SORBS2: variants seen among roughly 807,000 people sequenced by gnomAD.
SORBS2 encodes the protein sorbin and SH3 domain-containing protein 2.
Under a neutral mutation model 97.7 loss-of-function variants are expected in SORBS2, and 46 were observed. The observed-to-expected ratio is 0.47, with a 90% CI of 0.37 to 0.60. The LOEUF is 0.60. SORBS2 is among the 20% of genes least tolerant of loss of function. The probability of loss-of-function intolerance (pLI) is 0.00; values close to 1 mark genes in which losing one functional copy is unlikely to be tolerated. For synonymous variants in SORBS2, 476 were observed against 473.4 expected, an observed-to-expected ratio of 1.01 and a Z score of -0.07; for missense variants, 1,316 against 1,282.3, an observed-to-expected ratio of 1.03 and a Z score of -0.40.
chr4:185,883,094 A>G (rs1326518030), intron 1 of SORBS2, among the ~76,000 whole-genome samples: 1 of 152,202 alleles, frequency 6.6e-6, no homozygotes, highest in East Asian at 1.9e-4. Flanking sequence ...ACTGTGGAAG[A>G]TACTGCTAAG....
intron 1 of SORBS2, among the ~76,000 whole-genome samples, chr4:185,810,563 G>C (rs1249197886): frequency 6.6e-6 from 1 of 152,098 alleles, no homozygotes; most frequent in Non-Finnish European, 1.5e-5. Flanking sequence ...AGTATTATAA[G>C]TGATCTGACA....
chr4:185,619,792 G>A (rs952875142), intron 8 of SORBS2, among the ~76,000 whole-genome samples: 1 of 152,140 alleles, frequency 6.6e-6, no homozygotes, highest in Non-Finnish European at 1.5e-5. Flanking sequence ...GGTCATAATG[G>A]TTAAGTTCAT....
intron 1 of SORBS2, among the ~76,000 whole-genome samples, chr4:185,944,491 A>C (rs2099273596): frequency 6.6e-6 from 1 of 152,270 alleles, no homozygotes; most frequent in Non-Finnish European, 1.5e-5. Flanking sequence ...AGAGACTATA[A>C]AGACACAACA....
At position 185,615,170 on chromosome 4, in the gene SORBS2, C is replaced by T. The variant is rs765542032; in HGVS notation, c.2352-11G>A. 3 of 1,477,130 alleles carry T rather than the reference C, an allele frequency of 2.0e-6. No individual in the cohort carries two copies. Among genetic ancestry groups the T allele is most frequent in the South Asian group, 2.3e-5 (2 of 88,284 alleles). 91.5% of individuals were successfully genotyped at this position (1,477,130 alleles called of 1,614,324 possible). On this transcript the variant is annotated splice_polypyrimidine_tract_variant and intron_variant, in intron 9 of 14. Coordinates refer to ENST00000418609, the Ensembl canonical transcript of SORBS2. ...TTAAATGACAACTCCCTGGAAGAGA[C>T]ACGTTGACATGGTCTTTTTGTGATG... is the stretch of plus-strand genomic sequence containing the variant.
intron 1 of SORBS2, among the ~76,000 whole-genome samples, chr4:185,857,379 A>C (rs2099221087): frequency 6.6e-6 from 1 of 152,170 alleles, no homozygotes; most frequent in Non-Finnish European, 1.5e-5. Flanking sequence ...TCATCTTCGT[A>C]AGCTGAGGAT....
chr4:185,745,563 C>T (rs1033490754), intron 2 of SORBS2, among the ~76,000 whole-genome samples: 22 of 152,044 alleles, frequency 1.4e-4, no homozygotes, highest in African/African-American at 3.4e-4. Flanking sequence ...GATTTGATGG[C>T]GACCTATTAC....
intron 2 of SORBS2, among the ~76,000 whole-genome samples, chr4:185,695,982 C>A (rs545386346): frequency 2.0e-5 from 3 of 152,292 alleles, no homozygotes; most frequent in African/African-American, 7.2e-5. Flanking sequence ...CCTCCCAGAA[C>A]TCCTGTGCTA....
chr4:185,759,168 A>G (rs148159600), intron 2 of SORBS2, among the ~76,000 whole-genome samples: 4 of 152,360 alleles, frequency 2.6e-5, no homozygotes, highest in African/African-American at 9.6e-5. Flanking sequence ...TGCTAGGTTT[A>G]GAAATGAAGC....
chr4:185,803,404 T>G (rs530853318), intron 1 of SORBS2, among the ~76,000 whole-genome samples: 2 of 152,350 alleles, frequency 1.3e-5, no homozygotes, highest in East Asian at 3.9e-4. Context: ...ATCATTATGA[T>G]GTAATATTAT....
chr4:185,696,986 A>T (rs2098184649), intron 2 of SORBS2, among the ~76,000 whole-genome samples: 1 of 152,210 alleles, frequency 6.6e-6, no homozygotes, highest in South Asian at 2.1e-4. Flanking sequence ...TCAAAGAGAC[A>T]TGTGAGGAAT....
chr4:185,672,857 C>T lies in SORBS2; in HGVS notation c.-46+5566G>A, dbSNP rs182852349. 3.7e-3 allele frequency among the ~76,000 whole-genome samples: 563 copies of T among 152,102 alleles called. 5 individuals carry two copies. Among genetic ancestry groups the T allele is most frequent in the African/African-American group, 0.012 (514 of 41,484 alleles). ...GCATTGGCTGAGACTTGCCAGAATG[C>T]GGAGTGCAAGTGTTTAAAATGGAAA... On this transcript the variant is annotated intron_variant, in intron 4 of 20. Transcript: ENST00000284776.
At chr4:185,919,624 A>G (rs2099260054) in intron 1 of SORBS2, among the ~76,000 whole-genome samples, 1 of 152,252 alleles carries the variant, frequency 6.6e-6, no homozygotes, top group African/African-American at 2.4e-5. Context: ...AAAGCAGTCA[A>G]AATGAGAAAA....
chr4:185,883,398 G>T (rs1209787924), intron 1 of SORBS2, among the ~76,000 whole-genome samples: 1 of 152,174 alleles, frequency 6.6e-6, no homozygotes, highest in Non-Finnish European at 1.5e-5. Flanking sequence ...TGGGGATGAG[G>T]TGAAACTAGA....
At chr4:185,926,842 T>C (rs1397568184) in intron 1 of SORBS2, among the ~76,000 whole-genome samples, 1 of 151,988 alleles carries the variant, frequency 6.6e-6, no homozygotes, top group Non-Finnish European at 1.5e-5. Flanking sequence ...CCTTACAGAC[T>C]CATCCATTGC....
chr4:185,683,079 CA>C (rs1290100846), intron 2 of SORBS2, among the ~76,000 whole-genome samples: 2 of 150,906 alleles, frequency 1.3e-5, no homozygotes. Context: ...CTAATTGACA[CA>C]AAAGAGGGCT....
chr4:185,642,165 G>C (rs1483952176), intron 4 of SORBS2, among the ~76,000 whole-genome samples: 1 of 152,152 alleles, frequency 6.6e-6, no homozygotes, highest in Non-Finnish European at 1.5e-5. Flanking sequence ...ATGGTCATCA[G>C]ATGAAACTCC....
intron 2 of SORBS2, among the ~76,000 whole-genome samples, chr4:185,746,440 C>T (rs2098761176): frequency 6.6e-6 from 1 of 152,162 alleles, no homozygotes; most frequent in Non-Finnish European, 1.5e-5. Flanking sequence ...CCTCAGCCTC[C>T]CGAGTAGCTG....
chr4:185,720,454 G>C (rs1359027010), intron 2 of SORBS2, among the ~76,000 whole-genome samples: 1 of 152,104 alleles, frequency 6.6e-6, no homozygotes, highest in Non-Finnish European at 1.5e-5. Flanking sequence ...TATTTCTGTG[G>C]CACTGTAACC....
At chr4:185,866,933 G>A (rs938988557) in intron 1 of SORBS2, among the ~76,000 whole-genome samples, 1 of 150,150 alleles carries the variant, frequency 6.7e-6, no homozygotes, top group Non-Finnish European at 1.5e-5. Context: ...ATAACACAGT[G>A]CTCTAATGAG....
Sources: gnomAD v4.1 joint callset for allele counts (sites outside exome capture counted in the v4.1 genomes callset) on GRCh38, gnomAD v4.1.1 for gene constraint, MANE v1.5 for transcripts, NCBI Gene and HGNC (gene_info 2026-07-23, HGNC 2026-07-21) for gene names.